Variants in HHAT observed in about 807,000 individuals in gnomAD.
The protein encoded by HHAT is hedgehog acyltransferase.
A neutral mutation model predicts 70.8 loss-of-function variants in HHAT; 47 were observed. That is an observed-to-expected ratio of 0.66 (90% CI 0.53 to 0.85). The LOEUF (loss-of-function observed/expected upper bound fraction) is 0.85, where lower values mean the gene tolerates loss of function less well. Ranked by LOEUF, HHAT falls within the 40% of genes least tolerant of loss-of-function variation. HHAT has a pLI of 0.00. For missense variants in HHAT, 609 were observed against 604.8 expected (o/e 1.01, Z -0.07); for synonymous variants, 228 against 247.6 (o/e 0.92, Z 0.74).
chr1:210,354,556 C>T (rs1400940393), intron 2 of HHAT, among the ~76,000 whole-genome samples: 1 of 151,914 alleles, frequency 6.6e-6, no homozygotes, highest in South Asian at 2.1e-4. Context: ...GAGACAAGCT[C>T]TCTCTATGTT....
At chr1:210,544,377 T>TG (rs1467576774) in intron 9 of HHAT, among the ~76,000 whole-genome samples, 2 of 137,824 alleles carry the variant, frequency 1.5e-5, no homozygotes, top group African/African-American at 6.3e-5. Flanking sequence ...GTTTTTTTTT[T>TG]TTTTTTTTTT....
At chr1:210,437,507 G>A (rs1175128830) in intron 7 of HHAT, among the ~76,000 whole-genome samples, 2 of 151,780 alleles carry the variant, frequency 1.3e-5, no homozygotes, top group African/African-American at 2.4e-5. Context: ...GGCAAATTAG[G>A]GACTCAGCTG....
chr1:210,415,667 C>CTT (rs67817522), intron 6 of HHAT, among the ~76,000 whole-genome samples: 1 of 150,792 alleles, frequency 6.6e-6, no homozygotes, highest in South Asian at 2.1e-4. Flanking sequence ...CAATTTTTTC[C>CTT]TTTTTTTTTG....
At chr1:210,458,478 C>T (rs906365579) in intron 7 of HHAT, among the ~76,000 whole-genome samples, 1 of 152,076 alleles carries the variant, frequency 6.6e-6, no homozygotes, top group African/African-American at 2.4e-5. Flanking sequence ...TTGGAAAGTA[C>T]CATGTGACTA....
At chr1:210,494,875 G>A (rs183684481) in intron 8 of HHAT, among the ~76,000 whole-genome samples, 33 of 152,132 alleles carry the variant, frequency 2.2e-4, no homozygotes, top group African/African-American at 8.0e-4. Flanking sequence ...TGACATCCGA[G>A]TAGAGTTATT....
At chr1:210,451,623 G>C (rs533984797) in intron 7 of HHAT, among the ~76,000 whole-genome samples, 1 of 152,106 alleles carries the variant, frequency 6.6e-6, no homozygotes, top group South Asian at 2.1e-4. Flanking sequence ...CTGTTACCTA[G>C]GCTGAGGTGC....
intron 9 of HHAT, among the ~76,000 whole-genome samples, chr1:210,572,192 C>G (rs972079378): frequency 2.0e-5 from 3 of 152,112 alleles, no homozygotes; most frequent in Non-Finnish European, 2.9e-5. Flanking sequence ...TGATAGGGAT[C>G]GTGAATCATA....
At chr1:210,479,926 C>T (rs1359674634) in intron 8 of HHAT, among the ~76,000 whole-genome samples, 3 of 152,210 alleles carry the variant, frequency 2.0e-5, no homozygotes, top group Admixed American at 2.0e-4. Flanking sequence ...CCTGTCCTTA[C>T]TAGTTCTGTC....
chr1:210,440,267 C>T (rs369924301), intron 7 of HHAT, among the ~76,000 whole-genome samples: 12 of 151,724 alleles, frequency 7.9e-5, no homozygotes, highest in Admixed American at 3.3e-4. Context: ...GAGATTAATT[C>T]CTGTAGGAGG....
intron 8 of HHAT, among the ~76,000 whole-genome samples, chr1:210,485,342 C>A (rs776934533): frequency 9.9e-5 from 15 of 152,128 alleles, no homozygotes; most frequent in Non-Finnish European, 1.8e-4. Context: ...CAGGGTCAGC[C>A]GCAATAGACT....
chr1:210,362,852 A>G lies in HHAT; in HGVS notation c.92A>G (p.Glu31Gly). The change falls in exon 3 of 12, where the codon GAA becomes GGA. Residue 31 changes from glutamate (E) to glycine (G), a missense_variant and splice_region_variant. By Grantham distance (98) the Glu-to-Gly change is moderately conservative. Coordinates refer to ENST00000261458, the MANE Select transcript of HHAT (RefSeq NM_018194.6). The stretch of plus-strand genomic sequence containing the variant: ...ACGAAGACTTTTTTTTTTTGGTCAG[A>G]ACACGAAGAGGAGCTGGACCAGGAA... Reference protein sequence around the residue: ...SFYEVYKVSREHEEELDQEFE... With the variant: ...SFYEVYKVSRGHEEELDQEFE... 1 of 1,613,172 alleles carries G rather than the reference A, an allele frequency of 6.2e-7. No homozygotes were observed. The highest frequency in any genetic ancestry group is 1.7e-5 in the Admixed American group (1 of 59,938).
At chr1:210,574,495 A>C (rs1413176643) in intron 9 of HHAT, among the ~76,000 whole-genome samples, 2 of 152,374 alleles carry the variant, frequency 1.3e-5, no homozygotes, top group Middle Eastern at 3.4e-3. Context: ...GGACCCCCTG[A>C]AGGTAGGGAC....
chr1:210,513,062 C>A, intron 8 of HHAT, 91 bp from the exon 9 acceptor site: 10 of 774,466 alleles, frequency 1.3e-5, no homozygotes, highest in Non-Finnish European at 2.0e-5. Context: ...TTTAGTCATA[C>A]TATGAATTTA....
At chr1:210,524,383 C>T (rs1434882732) in intron 9 of HHAT, among the ~76,000 whole-genome samples, 3 of 152,184 alleles carry the variant, frequency 2.0e-5, no homozygotes, top group African/African-American at 4.8e-5. Flanking sequence ...TTTAAGGCAG[C>T]GGGCAACACA....
In HHAT at chr1:210,623,600, C is replaced by A. The variant is rs368659283; in HGVS notation, c.1320C>A (p.Ile440=). 1.9e-6 allele frequency: 3 copies of A among 1,613,934 alleles called. No individual in the cohort carries two copies. The highest frequency in any genetic ancestry group is 2.5e-6 in the Non-Finnish European group (3 of 1,179,986). Residue 440 remains isoleucine (I), a synonymous_variant, in exon 11 of 12, where the codon ATC becomes ATA. Coordinates refer to ENST00000261458, the MANE Select transcript of HHAT (RefSeq NM_018194.6). The part of the protein sequence containing the change: ...ALASCSTSML[I]LSNLVFLGGN... ...CTTCTTGTTCCACCTCGATGCTGAT[C>A]CTGTCCAACCTGGTATTTCTTGGGG... is the stretch of plus-strand genomic sequence containing the variant.
At chr1:210,440,854 G>C (rs1340202061) in intron 7 of HHAT, among the ~76,000 whole-genome samples, 1 of 152,222 alleles carries the variant, frequency 6.6e-6, no homozygotes, top group Admixed American at 6.5e-5. Context: ...GACGGGTACT[G>C]AGTATCAGTT....
chr1:210,412,706 G>A (rs1392699982), intron 6 of HHAT, among the ~76,000 whole-genome samples: 1 of 152,186 alleles, frequency 6.6e-6, no homozygotes, highest in Non-Finnish European at 1.5e-5. Flanking sequence ...TGGTGGGGAG[G>A]GGGTTATGCC....
At chr1:210,615,419 AAG>A (rs1667487797) in intron 10 of HHAT, among the ~76,000 whole-genome samples, 1 of 152,202 alleles carries the variant, frequency 6.6e-6, no homozygotes, top group South Asian at 2.1e-4. Flanking sequence ...TGATCGTCTG[AAG>A]CCTTCTTCTC....
intron 9 of HHAT, among the ~76,000 whole-genome samples, chr1:210,562,613 T>G (rs1008579394): frequency 1.5e-4 from 23 of 152,254 alleles, no homozygotes; most frequent in Non-Finnish European, 1.2e-4. Context: ...GTTCAATGTC[T>G]TGGTTAAGCT....
Sources: gnomAD v4.1 joint callset for allele counts (sites outside exome capture counted in the v4.1 genomes callset) on GRCh38, gnomAD v4.1.1 for gene constraint, MANE v1.5 for transcripts, NCBI Gene and HGNC (gene_info 2026-07-23, HGNC 2026-07-21) for gene names.